The following AMOT variants were observed in gnomAD, a reference collection of about 807,000 sequenced individuals.
AMOT encodes angiomotin.
AMOT carries 11 observed loss-of-function variants against 67.0 expected under a neutral mutation model. That is an observed-to-expected ratio of 0.16 (90% CI 0.10 to 0.27). The LOEUF is 0.27. Among genes scored for constraint, AMOT ranks in the 10% least tolerant of loss-of-function variants. The probability of loss-of-function intolerance (pLI) is 1.00; values close to 1 mark genes in which losing one functional copy is unlikely to be tolerated. For missense variants in AMOT, 753 were observed against 852.0 expected (o/e 0.88, Z 1.45); for synonymous variants, 326 against 321.4 (o/e 1.01, Z -0.15).
In AMOT at chrX:112,780,970, C is replaced by T. The variant is rs769005431; in HGVS notation, c.2389G>A (p.Gly797Ser). ...AGGGTGGATGAGTGGGAGAGCAAGC[C>T]TGATCCAGCATTGGAAATGGACATC... ...SLMSISNAGSGLLSHSSTLTG... is the reference protein window; with the variant it reads ...SLMSISNAGSSLLSHSSTLTG... Residue 797 changes from glycine to serine, a missense_variant, in exon 12 of 14, where the codon GGC (glycine) becomes AGC (serine). Coordinates refer to ENST00000371959, the MANE Select transcript of AMOT (RefSeq NM_001113490.2). 5.8e-6 allele frequency: 7 copies of T among 1,210,376 alleles called. No individual in the cohort carries two copies. The highest frequency in any genetic ancestry group is 6.7e-6 in the Non-Finnish European group (6 of 895,386).
chrX:112,801,827 T>C (rs762323267), intron 8 of AMOT, among the ~76,000 whole-genome samples: 1 of 112,717 alleles, frequency 8.9e-6, no homozygotes, highest in South Asian at 3.7e-4. Flanking sequence ...TAAGTGACCT[T>C]GTAGTTAGAA....
chrX:112,812,199 C>G (rs945891848), intron 5 of AMOT, among the ~76,000 whole-genome samples: 1 of 111,697 alleles, frequency 9.0e-6, no homozygotes, highest in African/African-American at 3.3e-5. Flanking sequence ...ATCCTGAAAG[C>G]TGGGTCAGAT....
chrX:112,795,248 C>CTGTGTGTGTGTG (rs575390682), intron 8 of AMOT, among the ~76,000 whole-genome samples: 9 of 104,217 alleles, frequency 8.6e-5, no homozygotes, highest in Admixed American at 1.0e-4. Context: ...GTCTCTCTCT[C>CTGTGTGTGTGTG]TGTGTGTGTG....
intron 8 of AMOT, among the ~76,000 whole-genome samples, chrX:112,793,922 T>C (rs1569394991): frequency 8.9e-6 from 1 of 112,242 alleles, no homozygotes; most frequent in Non-Finnish European, 1.9e-5. Context: ...AAGCTTTGAA[T>C]AATTGGAGAG....
chrX:112,836,781 A>G (rs1395312512), intron 1 of AMOT, among the ~76,000 whole-genome samples: 1 of 107,924 alleles, frequency 9.3e-6, no homozygotes, highest in Non-Finnish European at 1.9e-5. Flanking sequence ...GTTGCACTTC[A>G]TTCTAGTAGC....
chrX:112,837,308 T>C (rs1386315409), intron 1 of AMOT, among the ~76,000 whole-genome samples: 2 of 112,002 alleles, frequency 1.8e-5, no homozygotes, highest in African/African-American at 6.5e-5. Flanking sequence ...CCTCACTTAA[T>C]TTAAGCGATA....
At position 112,837,242 on chromosome X, in the gene AMOT, G is replaced by C. The variant is rs1273309107; in HGVS notation, c.-289+3210C>G. ...CATTATTACAAGCCAGAATGATTTA[G>C]ACAATTAACTAACTCCATTCCATAT... On this transcript the variant is annotated intron_variant, in intron 1 of 13. Transcript: ENST00000371959. Among the ~76,000 whole-genome samples the C allele has an allele frequency of 1.9e-4, 21 of 112,375 alleles. No homozygotes were observed. In the Admixed American group the frequency reaches 2.0e-3, roughly 11 times the overall value.
chrX:112,826,609 C>T (rs1170433158), intron 2 of AMOT, among the ~76,000 whole-genome samples: 2 of 112,082 alleles, frequency 1.8e-5, no homozygotes, highest in Admixed American at 1.9e-4. Context: ...AACCACCGTG[C>T]TTCTATTGTC....
intron 10 of AMOT, among the ~76,000 whole-genome samples, chrX:112,785,801 G>A (rs1602755036): frequency 8.9e-6 from 1 of 112,438 alleles, no homozygotes; most frequent in Non-Finnish European, 1.9e-5. Flanking sequence ...ATAGGCTATA[G>A]GAAGTAGAAC....
rs754077712 is a variant in AMOT at position 112,780,687 on chromosome X, T to C, written c.2473+199A>G. 6.9e-6 allele frequency: 3 copies of C among 432,430 alleles called. No homozygotes were observed. The Admixed American group carries it at 1.2e-4, about 17-fold the overall frequency. The allele number at this position is 432,430 out of a possible 1,213,427, so 35.6% of individuals were successfully genotyped here. ...CTCTAAGCCTTGGCCTCAATCGGTA[T>C]TCTCACCGGGAGACTTCAAAGTGTG... On this transcript the variant is annotated intron_variant, in intron 12 of 13. Transcript: ENST00000371959.
intron 2 of AMOT, among the ~76,000 whole-genome samples, chrX:112,829,447 G>C (rs148925096): frequency 3.4e-4 from 38 of 111,778 alleles, no homozygotes; most frequent in African/African-American, 1.2e-3. Context: ...CCAAAGCCAA[G>C]TAGATGTTCG....
rs936582774 is a variant in AMOT, at chrX:112,781,967, C to T, written c.2240+573G>A. On this transcript the variant is annotated intron_variant, in intron 11 of 13. Coordinates refer to ENST00000371959, the MANE Select transcript of AMOT (RefSeq NM_001113490.2). ...GCAATGGCATGATCTTGACTCATTG[C>T]AACCTCTGCCTCCCAAGCTCAAGCA... 3.6e-5 allele frequency among the ~76,000 whole-genome samples: 4 copies of T among 111,892 alleles called. No homozygotes were observed. In the East Asian group the frequency reaches 1.1e-3, roughly 31 times the overall value.
At chrX:112,804,823 C>T (rs1934118948) in intron 8 of AMOT, 124 bp downstream of exon 8, 2 of 937,864 alleles carry the variant, frequency 2.1e-6, no homozygotes, top group East Asian at 6.3e-5. Flanking sequence ...AAACTAGGAG[C>T]AGCAGATGGC....
intron 6 of AMOT, among the ~76,000 whole-genome samples, chrX:112,811,008 T>C (rs1377907825): frequency 8.9e-6 from 1 of 111,894 alleles, no homozygotes; most frequent in Non-Finnish European, 1.9e-5. Context: ...TCCTGCCTGA[T>C]TAACACATCA....
intron 7 of AMOT, among the ~76,000 whole-genome samples, chrX:112,808,079 T>C (rs1266714180): frequency 2.7e-5 from 3 of 112,180 alleles, no homozygotes; most frequent in South Asian, 3.7e-4. Flanking sequence ...CCTTAAGTTA[T>C]AGGAGAAACT....
At chrX:112,812,417 A>G (rs1171825907) in intron 5 of AMOT, among the ~76,000 whole-genome samples, 1 of 111,548 alleles carries the variant, frequency 9.0e-6, no homozygotes, top group African/African-American at 3.3e-5. Context: ...ATGGGAAACC[A>G]GTATAGGTTT....
At chrX:112,794,052 G>A (rs1266070423) in intron 8 of AMOT, among the ~76,000 whole-genome samples, 1 of 112,076 alleles carries the variant, frequency 8.9e-6, no homozygotes, top group Non-Finnish European at 1.9e-5. Context: ...CAATGTTAAC[G>A]CAGAGAATGT....
At chrX:112,791,423 T>C (rs1033823700) in intron 9 of AMOT, among the ~76,000 whole-genome samples, 1 of 111,706 alleles carries the variant, frequency 9.0e-6, no homozygotes, top group Admixed American at 9.5e-5. Context: ...GTAGTTATCA[T>C]TAGTGACTCA....
At chrX:112,786,104 T>A (rs12393956) in intron 10 of AMOT, among the ~76,000 whole-genome samples, 2,222 of 111,655 alleles carry the variant, frequency 0.02, 53 homozygotes, top group African/African-American at 0.069. Context: ...TTGCTATTAT[T>A]ACTGAGAAGC....
Sources: allele counts gnomAD v4.1 joint callset (sites outside exome capture counted in the v4.1 genomes callset), GRCh38; gene constraint gnomAD v4.1.1; transcripts MANE v1.5; gene names NCBI Gene and HGNC (gene_info 2026-07-23, HGNC 2026-07-21).